The following SLC13A5 variants were observed in gnomAD, a reference collection of about 807,000 sequenced individuals.
The protein encoded by SLC13A5 is solute carrier family 13 member 5, also known as Na(+)/citrate cotransporter.
SLC13A5 carries 25 observed loss-of-function variants against 56.5 expected under a neutral mutation model. The observed-to-expected ratio is 0.44, with a 90% CI of 0.32 to 0.62. The LOEUF (loss-of-function observed/expected upper bound fraction) is 0.62. SLC13A5 is among the 20% of genes least tolerant of loss of function. The pLI, the probability that SLC13A5 is intolerant of heterozygous loss-of-function variation, is 0.04. For missense variants in SLC13A5, 649 were observed against 737.8 expected, an observed-to-expected ratio of 0.88 and a Z score of 1.39; for synonymous variants, 307 against 301.5, an observed-to-expected ratio of 1.02 and a Z score of -0.19.
At chr17:6,706,811 G>T in intron 2 of SLC13A5, 33 bp from the exon 3 acceptor site, 1 of 1,611,168 alleles carries the variant, frequency 6.2e-7, no homozygotes, top group Non-Finnish European at 8.5e-7. Flanking sequence ...CATCAGGACT[G>T]TCCCTTGCCA....
At position 6,704,059 on chromosome 17, in the gene SLC13A5, G is replaced by A; in HGVS notation, c.369-3C>T. 1.9e-6 allele frequency: 3 copies of A among 1,609,494 alleles called. No homozygotes were observed. Among genetic ancestry groups the A allele is most frequent in the South Asian group, 2.2e-5 (2 of 90,574 alleles). ...CGCCCATGAAGCCCAGCATCAGCCT[G>A]CAGAGGAGGGGCAGGGAGGAAAGCC... On this transcript the variant is annotated splice_region_variant and splice_polypyrimidine_tract_variant and intron_variant, in intron 3 of 11. Coordinates refer to ENST00000433363, the MANE Select transcript of SLC13A5 (RefSeq NM_177550.5).
At chr17:6,712,923 T>C (rs1974078126) in intron 1 of SLC13A5, among the ~76,000 whole-genome samples, 6 of 152,236 alleles carry the variant, frequency 3.9e-5, no homozygotes, top group Admixed American at 3.9e-4. Flanking sequence ...AGCCAGGGGC[T>C]GAGCCTAAGG....
At chr17:6,702,807 G>C (rs1203223075) in intron 5 of SLC13A5, among the ~76,000 whole-genome samples, 163 bp downstream of exon 5, 1 of 152,200 alleles carries the variant, frequency 6.6e-6, no homozygotes, top group Non-Finnish European at 1.5e-5. Context: ...AGGACACAGA[G>C]GCTAGATGGG....
At position 6,713,089 on chromosome 17, in the gene SLC13A5, TG is replaced by T; in HGVS notation, c.102+142del. 1.3e-6 allele frequency: 1 copy of T among 764,294 alleles called. No individual in the cohort carries two copies. Among genetic ancestry groups the T allele is most frequent in the Non-Finnish European group, 2.1e-6 (1 of 469,794 alleles). The allele number at this position is 764,294 out of a possible 1,614,324, so 47.3% of individuals were successfully genotyped here. ...TACAGGGCACCTCCCATCCGGCACC[TG>T]GAGCTCCTGAGTGCGCGCGCCCCGG... On this transcript the variant is annotated intron_variant, in intron 1 of 11. Coordinates refer to ENST00000433363, the MANE Select transcript of SLC13A5 (RefSeq NM_177550.5). This position sits in a 1 kb window ranked among gnomAD's most constrained non-coding sequence, Gnocchi z 7.3.
intron 6 of SLC13A5, among the ~76,000 whole-genome samples, chr17:6,700,481 C>A (rs1973680821): frequency 6.6e-6 from 1 of 152,226 alleles, no homozygotes; most frequent in Non-Finnish European, 1.5e-5. Context: ...TTGCGGTGAC[C>A]TGGCCTGATG....
chr17:6,693,049 A>T lies in SLC13A5; in HGVS notation c.1270T>A (p.Ser424Thr). 1 of 1,614,054 alleles carries T rather than the reference A, an allele frequency of 6.2e-7. No homozygotes were observed. Among genetic ancestry groups the T allele is most frequent in the Admixed American group, 1.7e-5 (1 of 60,022 alleles). Reference protein sequence around the residue: ...LGGGFALAKGSEASGLSVWMG... With the variant: ...LGGGFALAKGTEASGLSVWMG... ...CCTGTGGCTGGAGAAGTTACCTCGG[A>T]TCCTTTAGCCAGAGCAAATCCGCCC... Residue 424 changes from serine to threonine, a missense_variant, in exon 9 of 12, where the codon TCC becomes ACC. Coordinates refer to ENST00000433363, the MANE Select transcript of SLC13A5 (RefSeq NM_177550.5).
intron 7 of SLC13A5, 146 bp from the exon 8 acceptor site, chr17:6,694,343 G>A (rs1041516637): frequency 2.3e-5 from 13 of 555,742 alleles, no homozygotes; most frequent in Non-Finnish European, 3.9e-5. Flanking sequence ...TGGTGGCCAG[G>A]TGCAGTGGCT....
At chr17:6,691,482 T>C (rs1973404271) in intron 9 of SLC13A5, among the ~76,000 whole-genome samples, 1 of 152,178 alleles carries the variant, frequency 6.6e-6, no homozygotes, top group African/African-American at 2.4e-5. Flanking sequence ...ATTTAGGGCT[T>C]TGGGCTGAGA....
intron 8 of SLC13A5, chr17:6,693,500 T>C (rs901113268): frequency 5.5e-6 from 1 of 183,316 alleles, no homozygotes; most frequent in African/African-American, 2.4e-5. Flanking sequence ...AAGTTTATCC[T>C]AAAGAAAAAA....
At position 6,687,743 on chromosome 17, in the gene SLC13A5, C is replaced by A; in HGVS notation, c.1438-77G>T. 6.8e-7 allele frequency: 1 copy of A among 1,478,438 alleles called. No individual in the cohort carries two copies. The allele number at this position is 1,478,438 out of a possible 1,614,324, so 91.6% of individuals were successfully genotyped here. On this transcript the variant is annotated intron_variant, in intron 10 of 11. Coordinates refer to ENST00000433363, the MANE Select transcript of SLC13A5 (RefSeq NM_177550.5). The surrounding 1 kb of genome is among the most constrained non-coding windows in gnomAD (Gnocchi z 5.0). Reference sequence around the variant, plus strand: ...GGGACGTGATTCTGAAAAGGATTCTCTGAATGTGCCGGGTACGTTTGAACC... The same window carrying A: ...GGGACGTGATTCTGAAAAGGATTCTATGAATGTGCCGGGTACGTTTGAACC...
Position 6,713,165 on chromosome 17 carries a change from G to A in SLC13A5, c.102+67C>T, listed in dbSNP as rs1974084676. ...CGTGCGCTCCAGCTCAGGGCTCCCG[G>A]GATCGGTGCCCGTTAGTGGGCACAG... is the stretch of plus-strand genomic sequence containing the variant. On this transcript the variant is annotated intron_variant, in intron 1 of 11. Transcript: ENST00000433363. The surrounding 1 kb of genome is among the most constrained non-coding windows in gnomAD (Gnocchi z 7.3). The A allele has an allele frequency of 1.3e-6, 2 of 1,512,480 alleles. No homozygotes were observed. The highest frequency in any genetic ancestry group is 1.8e-5 in the Admixed American group (1 of 56,372). 93.7% of individuals were successfully genotyped at this position (1,512,480 alleles called of 1,614,324 possible).
intron 3 of SLC13A5, chr17:6,704,716 A>C: frequency 1.2e-5 from 2 of 168,054 alleles, no homozygotes; most frequent in Non-Finnish European, 1.3e-5. Context: ...TTTGCTTGTA[A>C]CCCCTGCTCC....
intron 7 of SLC13A5, 25 bp downstream of exon 7, chr17:6,695,701 G>A (rs755397878): frequency 1.1e-5 from 18 of 1,612,330 alleles, no homozygotes; most frequent in East Asian, 8.9e-5. Context: ...CTAAGCCAGC[G>A]ATTTCTATTG....
chr17:6,697,808 C>A (rs1045039477), intron 6 of SLC13A5, among the ~76,000 whole-genome samples: 1 of 151,902 alleles, frequency 6.6e-6, no homozygotes, highest in African/African-American at 2.4e-5. Context: ...GGGTCTGGCC[C>A]CTTTGGCTAG....
chr17:6,699,473 CT>C (rs200072744), intron 6 of SLC13A5, among the ~76,000 whole-genome samples: 9,841 of 150,006 alleles, frequency 0.066, 391 homozygotes, highest in Non-Finnish European at 0.094. Flanking sequence ...TGTATAGCAA[CT>C]TTTTTTTTTG....
chr17:6,704,151 G>T, intron 3 of SLC13A5, 95 bp from the exon 4 acceptor site: 1 of 1,367,386 alleles, frequency 7.3e-7, no homozygotes, highest in Non-Finnish European at 1.0e-6. Flanking sequence ...CCCCTGCAGG[G>T]ATGCACAGGT....
intron 1 of SLC13A5, among the ~76,000 whole-genome samples, chr17:6,712,099 G>T (rs1307916402): frequency 6.6e-6 from 1 of 152,180 alleles, no homozygotes; most frequent in Non-Finnish European, 1.5e-5. Context: ...GAACACCAAG[G>T]CCCAGAGAGC....
rs1342951574 is a variant in SLC13A5 at position 6,693,068 on chromosome 17, T to A, written c.1251A>T (p.Gly417=). ...PWGIVLLLGG[G]FALAKGSEAS... is the part of the protein sequence containing the mutation. ...CCTCGGATCCTTTAGCCAGAGCAAA[T>A]CCGCCCCCTAGTAGCAGCACGATGC... Residue 417 remains glycine, a synonymous_variant, in exon 9 of 12, where the codon GGA becomes GGT. Transcript: ENST00000433363. 6.2e-7 allele frequency: 1 copy of A among 1,614,000 alleles called. No homozygotes were observed. The highest frequency in any genetic ancestry group is 8.5e-7 in the Non-Finnish European group (1 of 1,180,002).
At chr17:6,707,244 T>G (rs1355195925) in intron 1 of SLC13A5, 88 bp from the exon 2 acceptor site, 2 of 1,528,278 alleles carry the variant, frequency 1.3e-6, no homozygotes, top group African/African-American at 2.7e-5. Context: ...GCATGGATTG[T>G]CAAGACACAG....
Sources: allele counts gnomAD v4.1 joint callset (sites outside exome capture counted in the v4.1 genomes callset), GRCh38; gene constraint gnomAD v4.1.1; non-coding constraint Gnocchi (gnomAD v3.1); transcripts MANE v1.5; gene names NCBI Gene and HGNC (gene_info 2026-07-23, HGNC 2026-07-21).